The following NUBPL variants were observed in gnomAD, a reference collection of about 807,000 sequenced individuals.
NUBPL encodes the protein NUBP iron-sulfur cluster assembly factor, mitochondrial.
Under a neutral mutation model 45.7 loss-of-function variants are expected in NUBPL, and 31 were observed. That is an observed-to-expected ratio of 0.68 (90% CI 0.51 to 0.92). The LOEUF (loss-of-function observed/expected upper bound fraction) is 0.92, where lower values mean the gene tolerates loss of function less well. Ranked by LOEUF, NUBPL falls within the 40% of genes least tolerant of loss-of-function variation. The pLI, the probability that NUBPL is intolerant of heterozygous loss-of-function variation, is 0.00. For synonymous variants in NUBPL, 144 were observed against 140.9 expected, an observed-to-expected ratio of 1.02 and a Z score of -0.15; for missense variants, 401 against 398.7, an observed-to-expected ratio of 1.01 and a Z score of -0.05.
chr14:31,635,900 T>C (rs2035481925), intron 4 of NUBPL, among the ~76,000 whole-genome samples: 1 of 152,218 alleles, frequency 6.6e-6, no homozygotes, highest in Non-Finnish European at 1.5e-5. Flanking sequence ...TTGTCTGTTA[T>C]TGGTGTGTAA....
rs146631837 is a variant in NUBPL at position 31,846,262 on chromosome 14, AT to A, written c.694-206del. 0.023 allele frequency: 11,906 copies of A among 525,204 alleles called. 835 individuals are homozygous for A. Among genetic ancestry groups the A allele is most frequent in the African/African-American group, 0.18 (9,189 of 51,884 alleles). 32.5% of individuals were successfully genotyped at this position (525,204 alleles called of 1,614,324 possible). Reference sequence around the variant, plus strand: ...TCCTGTTCATTCATCTCTTTTTAGCATTTATTATGATATCAAAGGTAATTCT... The same window carrying A: ...TCCTGTTCATTCATCTCTTTTTAGCATTATTATGATATCAAAGGTAATTCT... On this transcript the variant is annotated intron_variant, in intron 8 of 10. Coordinates refer to ENST00000281081, the MANE Select transcript of NUBPL (RefSeq NM_025152.3).
intron 6 of NUBPL, among the ~76,000 whole-genome samples, chr14:31,704,831 TG>T (rs1412579295): frequency 7.9e-5 from 12 of 152,240 alleles, no homozygotes; most frequent in African/African-American, 2.6e-4. Flanking sequence ...TGTCTGGAAT[TG>T]GTGGGTTCTT....
At position 31,621,700 on chromosome 14, in the gene NUBPL, C is replaced by T. The variant is rs897982298; in HGVS notation, c.382+22321C>T. On this transcript the variant is annotated intron_variant, in intron 4 of 10. Transcript: ENST00000281081. ...AATCACCCGCCTTCTGCGTCGATCT[C>T]GCTGGGAGCTGCAGACTGGAGCTGT... 6.6e-5 allele frequency among the ~76,000 whole-genome samples: 10 copies of T among 152,336 alleles called. No homozygotes were observed. The East Asian group carries it at 7.7e-4, about 12-fold the overall frequency.
At chr14:31,831,074 C>T (rs1242499686) in intron 8 of NUBPL, among the ~76,000 whole-genome samples, 5 of 151,772 alleles carry the variant, frequency 3.3e-5, no homozygotes, top group African/African-American at 4.8e-5. Context: ...GAGACAGTCT[C>T]GCTCTGTCAC....
At chr14:31,671,327 G>A (rs1185154057) in intron 4 of NUBPL, among the ~76,000 whole-genome samples, 1 of 152,148 alleles carries the variant, frequency 6.6e-6, no homozygotes, top group Non-Finnish European at 1.5e-5. Context: ...GAATAGTGCT[G>A]CAGTAAACAT....
chr14:31,733,063 G>A (rs2038088405), intron 6 of NUBPL, among the ~76,000 whole-genome samples: 1 of 152,116 alleles, frequency 6.6e-6, no homozygotes, highest in Non-Finnish European at 1.5e-5. Flanking sequence ...GTGTGAAACA[G>A]AAGTTGAGGT....
At chr14:31,628,875 T>A (rs1482857448) in intron 4 of NUBPL, among the ~76,000 whole-genome samples, 1 of 152,200 alleles carries the variant, frequency 6.6e-6, no homozygotes, top group Non-Finnish European at 1.5e-5. Flanking sequence ...CATTCTTCAG[T>A]GAAACTGACC....
intron 7 of NUBPL, 58 bp downstream of exon 7, chr14:31,787,931 A>G: frequency 8.6e-7 from 1 of 1,167,772 alleles, no homozygotes; most frequent in South Asian, 1.3e-5. Context: ...TTATTGCTAT[A>G]CCAAAAAACA....
chr14:31,799,015 G>A (rs758936680), intron 7 of NUBPL, among the ~76,000 whole-genome samples: 1 of 151,758 alleles, frequency 6.6e-6, no homozygotes, highest in African/African-American at 2.4e-5. Context: ...TTTTTTGTGG[G>A]ACAGGGCAGT....
At chr14:31,607,765 C>G (rs575156979) in intron 4 of NUBPL, among the ~76,000 whole-genome samples, 1 of 152,006 alleles carries the variant, frequency 6.6e-6, no homozygotes, top group South Asian at 2.1e-4. Context: ...AAGGGTAAAT[C>G]TAAGGGTTAT....
intron 4 of NUBPL, among the ~76,000 whole-genome samples, chr14:31,664,845 G>T (rs191970792): frequency 1.3e-5 from 2 of 152,104 alleles, no homozygotes; most frequent in Non-Finnish European, 2.9e-5. Flanking sequence ...GGTAGAGTTC[G>T]TCTGTGAATC....
At chr14:31,654,613 G>A (rs928998670) in intron 4 of NUBPL, among the ~76,000 whole-genome samples, 2 of 152,034 alleles carry the variant, frequency 1.3e-5, no homozygotes, top group Non-Finnish European at 2.9e-5. Context: ...GTTTCACAGT[G>A]TTAGCCAGGA....
intron 6 of NUBPL, among the ~76,000 whole-genome samples, chr14:31,694,568 T>A (rs1457300088): frequency 6.6e-6 from 1 of 152,132 alleles, no homozygotes. Context: ...CAGGCAGGAG[T>A]GCAGTGGCGT....
chr14:31,652,750 AC>A (rs2036040940), intron 4 of NUBPL, among the ~76,000 whole-genome samples: 1 of 152,188 alleles, frequency 6.6e-6, no homozygotes, highest in African/African-American at 2.4e-5. Context: ...TGTACCAAAG[AC>A]CCTGTGACAA....
intron 9 of NUBPL, 73 bp downstream of exon 9, chr14:31,846,664 A>C: frequency 6.3e-7 from 1 of 1,590,214 alleles, no homozygotes; most frequent in Non-Finnish European, 8.5e-7. Flanking sequence ...GATGATTAAG[A>C]GTGTCTCAGA....
chr14:31,673,385 G>T lies in NUBPL; in HGVS notation c.413G>T (p.Gly138Val), dbSNP rs201412882. 1 of 1,607,596 alleles carries T rather than the reference G, an allele frequency of 6.2e-7. No individual in the cohort carries two copies. The highest frequency in any genetic ancestry group is 8.5e-7 in the Non-Finnish European group (1 of 1,176,516). The change falls in exon 5 of 11, where the codon GGT becomes GTT. Residue 138 changes from glycine to valine, a missense_variant. Gly to Val is a moderately radical substitution (Grantham distance 109, BLOSUM62 -3). Transcript: ENST00000281081. The stretch of plus-strand genomic sequence containing the variant: ...CTAATGAGGCCTCTCTTGAATTATG[G>T]TATTGCTTGGTGAGCATATATATAT... ...SNLMRPLLNY[G>V]IACMSMGFLV...
chr14:31,825,244 A>C (rs1395744055), intron 7 of NUBPL, among the ~76,000 whole-genome samples: 1 of 152,082 alleles, frequency 6.6e-6, no homozygotes, highest in Non-Finnish European at 1.5e-5. Flanking sequence ...CTTTCTGGAC[A>C]CTTTTCTCCA....
intron 8 of NUBPL, among the ~76,000 whole-genome samples, chr14:31,837,293 T>C (rs752169714): frequency 6.6e-6 from 1 of 152,186 alleles, no homozygotes; most frequent in Non-Finnish European, 1.5e-5. Context: ...ATCACACTAC[T>C]GCATTCCAGC....
At chr14:31,651,579 A>G (rs924553908) in intron 4 of NUBPL, among the ~76,000 whole-genome samples, 2 of 152,204 alleles carry the variant, frequency 1.3e-5, no homozygotes, top group Non-Finnish European at 2.9e-5. Context: ...TAAGAAACTT[A>G]ATAGCAAGAA....
Sources: allele counts gnomAD v4.1 joint callset (sites outside exome capture counted in the v4.1 genomes callset), GRCh38; gene constraint gnomAD v4.1.1; transcripts MANE v1.5; gene names NCBI Gene and HGNC (gene_info 2026-07-23, HGNC 2026-07-21).